Variants in BIN3 observed in about 807,000 individuals in gnomAD.
BIN3 encodes bridging integrator 3.
BIN3 carries 41 observed loss-of-function variants against 38.2 expected under a neutral mutation model. The ratio of observed to expected loss-of-function variants is 1.07; its 90% CI spans 0.84 to 1.39. The LOEUF is 1.39. Ranked by LOEUF, BIN3 falls within the 40% of genes most tolerant of loss-of-function variation. BIN3 has a pLI of 0.00. For missense variants in BIN3, 361 were observed against 324.3 expected, an observed-to-expected ratio of 1.11 and a Z score of -0.87; for synonymous variants, 145 against 122.6, an observed-to-expected ratio of 1.18 and a Z score of -1.21.
intron 2 of BIN3, among the ~76,000 whole-genome samples, chr8:22,638,036 A>C (rs982568680): frequency 4.0e-5 from 6 of 151,844 alleles, no homozygotes; most frequent in African/African-American, 1.5e-4. Context: ...GTTCGTAACC[A>C]TCATTCTCCT....
At chr8:22,627,195 T>C (rs933188324) in intron 6 of BIN3, among the ~76,000 whole-genome samples, 7 of 151,000 alleles carry the variant, frequency 4.6e-5, no homozygotes, top group African/African-American at 1.5e-4. Flanking sequence ...TGGGGGGAGG[T>C]TGGGTCCTGG....
At chr8:22,651,898 C>G (rs1352353548) in intron 1 of BIN3, among the ~76,000 whole-genome samples, 1 of 150,802 alleles carries the variant, frequency 6.6e-6, no homozygotes, top group Non-Finnish European at 1.5e-5. Flanking sequence ...CTGTTTCTTA[C>G]TTCTGAAACT....
At chr8:22,627,344 GTCAC>G (rs10546876) in intron 6 of BIN3, among the ~76,000 whole-genome samples, 55,429 of 151,820 alleles carry the variant, frequency 0.37, 10,354 homozygotes, top group South Asian at 0.5. Flanking sequence ...ATCTGCCCTG[GTCAC>G]TCACTGACCC....
intron 8 of BIN3, among the ~76,000 whole-genome samples, chr8:22,623,006 G>A (rs11780207): frequency 0.3 from 45,190 of 152,120 alleles, 7,099 homozygotes; most frequent in South Asian, 0.42. Flanking sequence ...CACTGGCCAG[G>A]CTTCACGGCT....
rs774409526 is a variant in BIN3, at chr8:22,624,291, C to T, written c.411G>A (p.Arg137=). 5 of 1,613,876 alleles carry T rather than the reference C, an allele frequency of 3.1e-6. No individual in the cohort carries two copies. The highest frequency in any genetic ancestry group is 3.3e-5 in the Admixed American group (2 of 60,006). Residue 137 remains arginine (R), a synonymous_variant, in exon 7 of 9, where the codon AGG becomes AGA. Coordinates refer to ENST00000276416, the MANE Select transcript of BIN3 (RefSeq NM_018688.6). ...CATACTTCTCCACCTTGGCCTGCAG[C>T]CTCCTGTAGTCCTGCAAGGCCTGTT... ...RREQALQDYR[R]LQAKVEKYEE...
chr8:22,636,692 C>A, intron 3 of BIN3, 106 bp from the exon 4 acceptor site: 7 of 1,263,726 alleles, frequency 5.5e-6, no homozygotes, highest in Non-Finnish European at 5.6e-6. Context: ...AAGGGATCTT[C>A]TCCACGGGGA....
In BIN3 at chr8:22,621,226, G is replaced by A; in HGVS notation, c.*196C>T. The A allele has an allele frequency of 1.5e-6, 1 of 660,758 alleles. No individual in the cohort carries two copies. Among genetic ancestry groups the A allele is most frequent in the South Asian group, 1.9e-5 (1 of 51,736 alleles). 40.9% of individuals were successfully genotyped at this position (660,758 alleles called of 1,614,324 possible). A position where few individuals can be genotyped will look rare whatever the true frequency, so the allele number is the denominator to read the frequency against. On this transcript the variant is annotated 3_prime_UTR_variant, in exon 9 of 9. Coordinates refer to ENST00000276416, the MANE Select transcript of BIN3 (RefSeq NM_018688.6). Reference sequence around the variant, plus strand: ...TTTGTCTACACTGCTTACCTGCTGGGGCTGTGAGTGGGGAGACGGCGGCCT... The same window carrying A: ...TTTGTCTACACTGCTTACCTGCTGGAGCTGTGAGTGGGGAGACGGCGGCCT...
chr8:22,631,348 A>G (rs985837228), intron 4 of BIN3, among the ~76,000 whole-genome samples: 3 of 152,054 alleles, frequency 2.0e-5, no homozygotes, highest in Non-Finnish European at 4.4e-5. Context: ...CTCCCCCAGA[A>G]TTTTGTTTGT....
At chr8:22,627,243 C>T (rs562136231) in intron 6 of BIN3, among the ~76,000 whole-genome samples, 1 of 152,266 alleles carries the variant, frequency 6.6e-6, no homozygotes, top group Admixed American at 6.5e-5. Context: ...AGTGTCACAC[C>T]TTTCTACATT....
At chr8:22,642,763 T>C (rs567349375) in intron 2 of BIN3, among the ~76,000 whole-genome samples, 4 of 152,304 alleles carry the variant, frequency 2.6e-5, no homozygotes, top group Admixed American at 2.6e-4. Flanking sequence ...AGAGACAGCA[T>C]GTGGCAGGGC....
At chr8:22,628,322 G>T (rs1802069617) in intron 6 of BIN3, among the ~76,000 whole-genome samples, 1 of 152,360 alleles carries the variant, frequency 6.6e-6, no homozygotes, top group South Asian at 2.1e-4. Context: ...AGGAAAGCTG[G>T]AGTTTCCTGT....
intron 1 of BIN3, among the ~76,000 whole-genome samples, chr8:22,648,414 T>A (rs1298638845): frequency 7.3e-6 from 1 of 136,424 alleles, no homozygotes; most frequent in East Asian, 2.2e-4. Flanking sequence ...TTCCTAAATC[T>A]CTCCCTGCTT....
intron 8 of BIN3, 143 bp downstream of exon 8, chr8:22,623,772 G>T: frequency 9.1e-7 from 1 of 1,101,638 alleles, no homozygotes; most frequent in South Asian, 1.6e-5. Context: ...CTCTGGTAAT[G>T]GAATGAATTC....
intron 4 of BIN3, among the ~76,000 whole-genome samples, chr8:22,632,495 T>C (rs1802235387): frequency 6.6e-6 from 1 of 152,228 alleles, no homozygotes; most frequent in Admixed American, 6.5e-5. Flanking sequence ...TCTTAAATTC[T>C]GTGGAGTGAC....
At chr8:22,663,654 G>A (rs983406186) in intron 1 of BIN3, among the ~76,000 whole-genome samples, 2 of 152,002 alleles carry the variant, frequency 1.3e-5, no homozygotes, top group Non-Finnish European at 2.9e-5. Context: ...ACTATATAAC[G>A]TGGCCCTGAG....
intron 1 of BIN3, among the ~76,000 whole-genome samples, chr8:22,663,690 A>G (rs1803318193): frequency 6.6e-6 from 1 of 152,136 alleles, no homozygotes; most frequent in African/African-American, 2.4e-5. Context: ...TCCCCAATGC[A>G]GCCTCTACCC....
chr8:22,628,811 AC>A (rs1563947954), intron 6 of BIN3, among the ~76,000 whole-genome samples: 1 of 152,096 alleles, frequency 6.6e-6, no homozygotes, highest in African/African-American at 2.4e-5. Context: ...GTCCTTCCCA[AC>A]CAGCCCTGAA....
chr8:22,644,954 A>C (rs1802668794), intron 1 of BIN3, 151 bp from the exon 2 acceptor site: 5 of 641,154 alleles, frequency 7.8e-6, no homozygotes, highest in Non-Finnish European at 1.4e-5. Flanking sequence ...GTGGGCATAC[A>C]ACCATTGGCA....
chr8:22,639,910 A>G (rs1802488062), intron 2 of BIN3, among the ~76,000 whole-genome samples: 1 of 151,368 alleles, frequency 6.6e-6, no homozygotes, highest in Non-Finnish European at 1.5e-5. Context: ...CACCCAGGCT[A>G]CAGGGCAATG....
Sources: gnomAD v4.1 joint callset for allele counts (sites outside exome capture counted in the v4.1 genomes callset) on GRCh38, gnomAD v4.1.1 for gene constraint, MANE v1.5 for transcripts, NCBI Gene and HGNC (gene_info 2026-07-23, HGNC 2026-07-21) for gene names.